SUMF1: variants seen among roughly 807,000 people sequenced by gnomAD.
SUMF1 encodes the protein sulfatase modifying factor 1.
SUMF1 carries 48 observed loss-of-function variants against 47.6 expected under a neutral mutation model. That is an observed-to-expected ratio of 1.01 (90% CI 0.80 to 1.28). The LOEUF (loss-of-function observed/expected upper bound fraction) is 1.28, where lower values mean the gene tolerates loss of function less well. SUMF1 is among the 50% of genes most tolerant of loss of function. SUMF1 has a pLI of 0.00. For missense variants in SUMF1, 571 were observed against 485.4 expected (o/e 1.18, Z -1.66); for synonymous variants, 230 against 192.1 (o/e 1.20, Z -1.63).
chr3:4,306,805 T>C (rs1370892276), intron 8 of SUMF1, among the ~76,000 whole-genome samples: 1 of 152,244 alleles, frequency 6.6e-6, no homozygotes, highest in Non-Finnish European at 1.5e-5. Flanking sequence ...TAACTTTGTG[T>C]CTGTTTTGCC....
chr3:4,282,288 T>A (rs1175925133), intron 8 of SUMF1, among the ~76,000 whole-genome samples: 1 of 152,174 alleles, frequency 6.6e-6, no homozygotes, highest in Non-Finnish European at 1.5e-5. Context: ...AAAAGCTTTA[T>A]TGCAGTTTTA....
At chr3:4,331,061 A>G (rs1381151884) in intron 8 of SUMF1, among the ~76,000 whole-genome samples, 1 of 152,226 alleles carries the variant, frequency 6.6e-6, no homozygotes, top group Non-Finnish European at 1.5e-5. Context: ...ACTTAACTGC[A>G]CATACAATTC....
At chr3:4,340,913 A>T (rs1202705208) in intron 8 of SUMF1, among the ~76,000 whole-genome samples, 2 of 152,200 alleles carry the variant, frequency 1.3e-5, no homozygotes, top group Non-Finnish European at 2.9e-5. Context: ...CAAATGTTTT[A>T]AAAAGATTAA....
intron 7 of SUMF1, among the ~76,000 whole-genome samples, chr3:4,400,288 T>A (rs935795236): frequency 5.9e-5 from 9 of 151,964 alleles, no homozygotes; most frequent in Admixed American, 1.3e-4. Flanking sequence ...AAGAAAAGTA[T>A]AGGAAAGGAA....
intron 8 of SUMF1, among the ~76,000 whole-genome samples, chr3:4,325,957 G>A (rs1402944579): frequency 1.3e-5 from 2 of 152,096 alleles, no homozygotes; most frequent in Non-Finnish European, 1.5e-5. Flanking sequence ...AAGTAGCGGA[G>A]ACTACAGGCA....
chr3:4,359,954 T>C (rs113604628), downstream of SUMF1, among the ~76,000 whole-genome samples: 5 of 152,310 alleles, frequency 3.3e-5, 1 homozygote, highest in African/African-American at 1.2e-4. Context: ...GGAATTCATT[T>C]TAAATGCCTT....
At chr3:4,113,428 C>T (rs1191818994) in intron 8 of SUMF1, among the ~76,000 whole-genome samples, 1 of 151,960 alleles carries the variant, frequency 6.6e-6, no homozygotes, top group African/African-American at 2.4e-5. Flanking sequence ...ATGTGGGGGG[C>T]TGAGGCAGGA....
chr3:4,347,353 T>C (rs1002526862), intron 8 of SUMF1, among the ~76,000 whole-genome samples: 55 of 152,320 alleles, frequency 3.6e-4, no homozygotes, highest in African/African-American at 1.3e-3. Flanking sequence ...GTGGGCTTCA[T>C]CACTGGGATG....
chr3:4,106,184 A>C (rs1693154175), intron 8 of SUMF1, among the ~76,000 whole-genome samples: 1 of 152,062 alleles, frequency 6.6e-6, no homozygotes, highest in Non-Finnish European at 1.5e-5. Flanking sequence ...TAAAAAACAA[A>C]ATGAGTTTAG....
intron 8 of SUMF1, among the ~76,000 whole-genome samples, chr3:4,211,599 A>C (rs1242536326): frequency 1.3e-5 from 2 of 152,144 alleles, no homozygotes; most frequent in African/African-American, 2.4e-5. Flanking sequence ...AATCATTTAA[A>C]AAACATAGAC....
chr3:4,058,801 C>T (rs1438882463), intron 9 of SUMF1, among the ~76,000 whole-genome samples: 3 of 152,082 alleles, frequency 2.0e-5, no homozygotes, highest in Non-Finnish European at 4.4e-5. Flanking sequence ...CAATAAAACA[C>T]TCCATAATTC....
At chr3:4,097,468 G>A (rs543888859) in intron 8 of SUMF1, among the ~76,000 whole-genome samples, 3 of 152,040 alleles carry the variant, frequency 2.0e-5, no homozygotes, top group South Asian at 2.1e-4. Context: ...CAGGAGAATC[G>A]CTTGAACCTG....
intron 7 of SUMF1, 75 bp from the exon 8 acceptor site, chr3:4,376,464 T>G: frequency 6.8e-7 from 1 of 1,461,056 alleles, no homozygotes; most frequent in Non-Finnish European, 9.6e-7. Context: ...AGAATCCACT[T>G]TGATCCAACC....
In SUMF1 at chr3:4,318,912, A is replaced by C. The variant is rs576622309; in HGVS notation, c.1014+57418T>G. Among the ~76,000 whole-genome samples the C allele has an allele frequency of 3.3e-5, 5 of 152,308 alleles. No homozygotes were observed. The East Asian group carries it at 9.6e-4, about 29-fold the overall frequency. The stretch of plus-strand genomic sequence containing the variant: ...CAGAGTGAGACTGCCTCTCAAAAAA[A>C]CACAAAAAAAGCCGTAAAAATAATA... On this transcript the variant is annotated intron_variant and NMD_transcript_variant, in intron 8 of 12. Transcript: ENST00000448413.
At chr3:4,334,838 G>A (rs1312561325) in intron 8 of SUMF1, among the ~76,000 whole-genome samples, 1 of 152,198 alleles carries the variant, frequency 6.6e-6, no homozygotes, top group East Asian at 1.9e-4. Flanking sequence ...ACTATTTTAG[G>A]TCAGACTTTT....
At chr3:4,349,950 T>G (rs1210755145) in intron 8 of SUMF1, among the ~76,000 whole-genome samples, 14 of 152,036 alleles carry the variant, frequency 9.2e-5, no homozygotes, top group Admixed American at 9.2e-4. Context: ...CATCCGGTTT[T>G]TTTTTTTAGA....
intron 7 of SUMF1, among the ~76,000 whole-genome samples, chr3:4,378,635 A>T (rs9860793): frequency 0.18 from 26,649 of 152,214 alleles, 2,406 homozygotes; most frequent in Middle Eastern, 0.24. Flanking sequence ...AAACACTCTG[A>T]GTCAGTTTAT....
chr3:4,221,939 C>A (rs1490495942), intron 8 of SUMF1, among the ~76,000 whole-genome samples: 1 of 150,332 alleles, frequency 6.7e-6, no homozygotes, highest in Non-Finnish European at 1.5e-5. Flanking sequence ...TTTTGTATAT[C>A]CTCTGATTTT....
At chr3:4,417,921 A>G in intron 5 of SUMF1, 89 bp downstream of exon 5, 1 of 1,595,598 alleles carries the variant, frequency 6.3e-7, no homozygotes, top group Non-Finnish European at 8.6e-7. Flanking sequence ...TAACTTTCTA[A>G]CCAAAGTAAG....
Sources: allele counts gnomAD v4.1 joint callset (sites outside exome capture counted in the v4.1 genomes callset), GRCh38; gene constraint gnomAD v4.1.1; transcripts MANE v1.5; gene names NCBI Gene and HGNC (gene_info 2026-07-23, HGNC 2026-07-21).